PRMT3: variants seen among roughly 807,000 people sequenced by gnomAD.
PRMT3 encodes the protein protein arginine N-methyltransferase 3.
Under a neutral mutation model 71.9 loss-of-function variants are expected in PRMT3, and 62 were observed. That is an observed-to-expected ratio of 0.86 (90% CI 0.70 to 1.07). The LOEUF (loss-of-function observed/expected upper bound fraction) is 1.07. Among genes scored for constraint, PRMT3 ranks in the 50% least tolerant of loss-of-function variants. The pLI, the probability that PRMT3 is intolerant of heterozygous loss-of-function variation, is 0.00. For missense variants in PRMT3, 663 were observed against 643.0 expected (o/e 1.03, Z -0.34); for synonymous variants, 213 against 220.4 (o/e 0.97, Z 0.30).
chr11:20,484,696 T>C (rs1437035524), intron 13 of PRMT3, among the ~76,000 whole-genome samples: 2 of 152,172 alleles, frequency 1.3e-5, no homozygotes, highest in Admixed American at 6.6e-5. Flanking sequence ...CTTTTGTAAA[T>C]TGCCCAGTCT....
chr11:20,467,650 A>T (rs1240000505), intron 13 of PRMT3, among the ~76,000 whole-genome samples: 1 of 152,204 alleles, frequency 6.6e-6, no homozygotes, highest in Non-Finnish European at 1.5e-5. Context: ...TCACAGATTC[A>T]TGTGATGAAA....
At chr11:20,393,053 G>T in intron 5 of PRMT3, 54 bp downstream of exon 5, 2 of 1,125,402 alleles carry the variant, frequency 1.8e-6, no homozygotes, top group East Asian at 4.8e-5. Context: ...GTTTGTTAAC[G>T]GCAAAATGGA....
intron 7 of PRMT3, among the ~76,000 whole-genome samples, chr11:20,398,603 C>T (rs1489574501): frequency 6.6e-6 from 1 of 152,192 alleles, no homozygotes. Flanking sequence ...CAGGTGCCCG[C>T]CACGGCGCCT....
intron 7 of PRMT3, among the ~76,000 whole-genome samples, chr11:20,400,673 T>C (rs1031567325): frequency 2.0e-5 from 3 of 152,160 alleles, no homozygotes; most frequent in African/African-American, 7.2e-5. Context: ...AACATACTGT[T>C]GCTTGTGTAT....
At chr11:20,460,027 T>C (rs2040528192) in intron 11 of PRMT3, among the ~76,000 whole-genome samples, 1 of 152,156 alleles carries the variant, frequency 6.6e-6, no homozygotes, top group African/African-American at 2.4e-5. Context: ...ATCAGTGACT[T>C]AGTACTACGT....
Position 20,409,105 on chromosome 11 carries a change from A to T in PRMT3, c.893+1073A>T, listed in dbSNP as rs554501754. On this transcript the variant is annotated intron_variant, in intron 9 of 15. Coordinates refer to ENST00000331079, the MANE Select transcript of PRMT3 (RefSeq NM_005788.4). ...GAGCAAGACACTTTCTCCAAAAAAA[A>T]TTTTTTAAATTTGATTAATGTTGGT... Among the ~76,000 whole-genome samples, 43 of 152,262 alleles carry T rather than the reference A, an allele frequency of 2.8e-4. 1 individual carries two copies. In the Middle Eastern group the frequency reaches 0.01, roughly 36 times the overall value.
rs1167652066 is a variant in PRMT3 at position 20,388,080 on chromosome 11, G to A, written c.90G>A (p.Glu30=). 2 of 1,614,084 alleles carry A rather than the reference G, an allele frequency of 1.2e-6. No homozygotes were observed. The highest frequency in any genetic ancestry group is 1.7e-6 in the Non-Finnish European group (2 of 1,180,002). ...DLPELSDSGD[E]AAWEDEDDAD... Reference sequence around the variant, plus strand: ...CAGAACTGTCGGACAGCGGGGACGAGGCCGCCTGGGAGGATGAGGACGATG... The same window carrying A: ...CAGAACTGTCGGACAGCGGGGACGAAGCCGCCTGGGAGGATGAGGACGATG... Residue 30 remains glutamate, a synonymous_variant, in exon 2 of 16, where the codon GAG becomes GAA. Transcript: ENST00000331079.
At chr11:20,468,963 G>A (rs1333903566) in intron 13 of PRMT3, among the ~76,000 whole-genome samples, 2 of 151,994 alleles carry the variant, frequency 1.3e-5, no homozygotes, top group South Asian at 4.1e-4. Context: ...TATATTTTAG[G>A]AATTTAACAT....
intron 9 of PRMT3, among the ~76,000 whole-genome samples, chr11:20,412,812 T>A (rs543535109): frequency 1.3e-5 from 2 of 152,282 alleles, no homozygotes; most frequent in African/African-American, 4.8e-5. Context: ...TTTATACCTA[T>A]TATAAGAGAT....
intron 10 of PRMT3, among the ~76,000 whole-genome samples, chr11:20,445,160 T>A (rs1277796224): frequency 1.3e-5 from 2 of 152,096 alleles, no homozygotes; most frequent in African/African-American, 4.8e-5. Flanking sequence ...AATCTCTTCC[T>A]ATAATCTTAA....
At chr11:20,395,128 A>G (rs977421740) in intron 5 of PRMT3, among the ~76,000 whole-genome samples, 12 of 152,200 alleles carry the variant, frequency 7.9e-5, no homozygotes, top group African/African-American at 2.9e-4. Flanking sequence ...TTTTGAGAAT[A>G]AAACAAGATG....
chr11:20,419,439 T>TC (rs1290409428), intron 9 of PRMT3, among the ~76,000 whole-genome samples: 3 of 152,226 alleles, frequency 2.0e-5, no homozygotes, highest in Non-Finnish European at 4.4e-5. Flanking sequence ...AAGTCTTCTC[T>TC]CATTCGTGTT....
At chr11:20,484,260 G>T (rs1224376897) in intron 13 of PRMT3, among the ~76,000 whole-genome samples, 3 of 152,206 alleles carry the variant, frequency 2.0e-5, no homozygotes, top group Non-Finnish European at 4.4e-5. Flanking sequence ...TATAAATATA[G>T]TGAGTGTTAT....
intron 6 of PRMT3, among the ~76,000 whole-genome samples, 163 bp from the exon 7 acceptor site, chr11:20,397,414 T>C (rs1464030572): frequency 6.6e-6 from 1 of 152,216 alleles, no homozygotes; most frequent in Non-Finnish European, 1.5e-5. Context: ...TTGCCATTGC[T>C]TCAGATCCAG....
intron 10 of PRMT3, among the ~76,000 whole-genome samples, chr11:20,439,488 T>G (rs1565212869): frequency 6.6e-6 from 1 of 152,194 alleles, no homozygotes; most frequent in Non-Finnish European, 1.5e-5. Context: ...AGTTGTATAT[T>G]TCATTGTTCT....
chr11:20,472,194 T>G (rs184935793), intron 13 of PRMT3, among the ~76,000 whole-genome samples: 12 of 152,314 alleles, frequency 7.9e-5, no homozygotes, highest in African/African-American at 1.7e-4. Context: ...GCTTTATTTC[T>G]TTCTCTTGCC....
At position 20,402,953 on chromosome 11, in the gene PRMT3, T is replaced by C. The variant is rs370343314; in HGVS notation, c.740T>C (p.Ile247Thr). ...KIRTESYRDF[I>T]YQNPHIFKDK... is the part of the protein sequence containing the mutation. ...CGAACAGAAAGCTACCGAGATTTCA[T>C]ATACCAAAATCCACATATCTTCAAA... The change falls in exon 8 of 16, where the codon ATA (isoleucine) becomes ACA (threonine). Residue 247 changes from isoleucine (I) to threonine (T), a missense_variant. Transcript: ENST00000331079. 3.2e-5 allele frequency: 51 copies of C among 1,607,872 alleles called. No individual in the cohort carries two copies. In the African/African-American group the frequency reaches 3.7e-4, roughly 12 times the overall value.
At chr11:20,393,190 T>C (rs889054303) in intron 5 of PRMT3, among the ~76,000 whole-genome samples, 191 bp downstream of exon 5, 3 of 152,228 alleles carry the variant, frequency 2.0e-5, no homozygotes, top group Admixed American at 2.0e-4. Context: ...GGCTCACGCC[T>C]GTAATCCCAA....
At chr11:20,452,234 A>C in intron 11 of PRMT3, 26 bp downstream of exon 11, 1 of 1,542,016 alleles carries the variant, frequency 6.5e-7, no homozygotes, top group East Asian at 2.3e-5. Flanking sequence ...TGGTTTTAAT[A>C]ATCTAATTTT....
Sources: allele counts gnomAD v4.1 joint callset (sites outside exome capture counted in the v4.1 genomes callset), GRCh38; gene constraint gnomAD v4.1.1; transcripts MANE v1.5; gene names NCBI Gene and HGNC (gene_info 2026-07-23, HGNC 2026-07-21).